Variants in MBOAT1 observed in about 807,000 individuals in gnomAD.
MBOAT1 encodes the protein membrane bound glycerophospholipid O-acyltransferase 1.
MBOAT1 carries 67 observed loss-of-function variants against 64.4 expected under a neutral mutation model. That is an observed-to-expected ratio of 1.04 (90% CI 0.85 to 1.27). MBOAT1 has a LOEUF of 1.27. Ranked by LOEUF, MBOAT1 falls within the 50% of genes most tolerant of loss-of-function variation. The probability of loss-of-function intolerance (pLI) is 0.00; values close to 1 mark genes in which losing one functional copy is unlikely to be tolerated. For synonymous variants in MBOAT1, 229 were observed against 218.9 expected (o/e 1.05, Z -0.41); for missense variants, 563 against 604.6 (o/e 0.93, Z 0.72).
At chr6:20,132,895 C>T (rs746280241) in intron 4 of MBOAT1, among the ~76,000 whole-genome samples, 3 of 152,112 alleles carry the variant, frequency 2.0e-5, no homozygotes, top group Non-Finnish European at 2.9e-5. Context: ...AGGCCACATC[C>T]GATGTTGTCA....
chr6:20,157,614 T>C (rs1761733231), intron 1 of MBOAT1, among the ~76,000 whole-genome samples: 1 of 152,122 alleles, frequency 6.6e-6, no homozygotes, highest in Non-Finnish European at 1.5e-5. Flanking sequence ...ATAATGCTTA[T>C]GACTGGTATC....
intron 11 of MBOAT1, among the ~76,000 whole-genome samples, chr6:20,112,369 CT>C (rs1760195304): frequency 2.0e-5 from 3 of 152,158 alleles, no homozygotes; most frequent in African/African-American, 7.2e-5. Context: ...ACTAAGCTAA[CT>C]GCGTTGGGCG....
At chr6:20,211,280 T>C (rs548005786) in intron 1 of MBOAT1, among the ~76,000 whole-genome samples, 9 of 152,224 alleles carry the variant, frequency 5.9e-5, no homozygotes, top group Admixed American at 5.2e-4. Context: ...CAAAAAAGCA[T>C]GAAACAAAAC....
intron 9 of MBOAT1, among the ~76,000 whole-genome samples, chr6:20,117,967 TA>T (rs1760377169): frequency 6.6e-6 from 1 of 152,198 alleles, no homozygotes; most frequent in Non-Finnish European, 1.5e-5. Context: ...TCTAGTGGCC[TA>T]AAAGTTGTAC....
At position 20,102,256 on chromosome 6, in the gene MBOAT1, G is replaced by C; in HGVS notation, c.*30C>G. The C allele has an allele frequency of 6.2e-7, 1 of 1,605,446 alleles. No homozygotes were observed. ...CATCTCATCTTTCGAACGTTCTGCA[G>C]TTTTGCTTGTTCCGCTTCTCTTGGA... is the stretch of plus-strand genomic sequence containing the variant. On this transcript the variant is annotated 3_prime_UTR_variant, in exon 13 of 13. Coordinates refer to ENST00000324607, the MANE Select transcript of MBOAT1 (RefSeq NM_001080480.3).
In MBOAT1 at chr6:20,184,880, A is replaced by AGTGTGTGTGTGTGTGTGT. The variant is rs58865791; in HGVS notation, c.99+27238_99+27255dup. Among the ~76,000 whole-genome samples the AGTGTGTGTGTGTGTGTGT allele has an allele frequency of 3.3e-3, 469 of 142,960 alleles. 5 individuals carry two copies. The highest frequency in any genetic ancestry group is 4.9e-3 in the Non-Finnish European group (322 of 65,738). 93.8% of individuals were successfully genotyped at this position (142,960 alleles called of 152,430 possible). Reference sequence around the variant, plus strand: ...TATATGTACCTAACATTATAACTGCAGTGTGTGTGTGTGTGTGTGTGTGTG... The same window carrying AGTGTGTGTGTGTGTGTGT: ...TATATGTACCTAACATTATAACTGCAGTGTGTGTGTGTGTGTGTGTGTGTGTGTGTGTGTGTGTGTGTG... On this transcript the variant is annotated intron_variant, in intron 1 of 12. Coordinates refer to ENST00000324607, the MANE Select transcript of MBOAT1 (RefSeq NM_001080480.3).
intron 1 of MBOAT1, among the ~76,000 whole-genome samples, chr6:20,164,024 G>A (rs929609918): frequency 2.0e-5 from 3 of 151,998 alleles, no homozygotes; most frequent in Admixed American, 6.6e-5. Flanking sequence ...GTATGTGCAT[G>A]TGTCTGAATA....
intron 1 of MBOAT1, among the ~76,000 whole-genome samples, chr6:20,162,006 G>A (rs1475266060): frequency 1.3e-5 from 2 of 152,132 alleles, no homozygotes; most frequent in Non-Finnish European, 2.9e-5. Context: ...CCAGATGGCC[G>A]TCTTCTCCCT....
intron 1 of MBOAT1, among the ~76,000 whole-genome samples, chr6:20,206,120 C>T (rs370912808): frequency 5.3e-5 from 8 of 152,318 alleles, no homozygotes; most frequent in African/African-American, 1.9e-4. Flanking sequence ...AAGCCAAGGT[C>T]AGAAGCAGCA....
chr6:20,107,176 G>A (rs937059856), intron 12 of MBOAT1, among the ~76,000 whole-genome samples: 4 of 152,082 alleles, frequency 2.6e-5, no homozygotes, highest in African/African-American at 9.7e-5. Context: ...CCTCTCTTGA[G>A]TCTCCACTTC....
intron 4 of MBOAT1, among the ~76,000 whole-genome samples, chr6:20,134,117 A>T (rs1448225281): frequency 6.6e-6 from 1 of 152,038 alleles, no homozygotes; most frequent in East Asian, 1.9e-4. Flanking sequence ...TCTCAGGCAA[A>T]CCTGCATTTC....
intron 1 of MBOAT1, among the ~76,000 whole-genome samples, chr6:20,169,197 G>T (rs975628969): frequency 6.6e-6 from 1 of 152,140 alleles, no homozygotes; most frequent in Admixed American, 6.5e-5. Flanking sequence ...TGGGGACAAT[G>T]GAAAATGCAG....
At chr6:20,185,432 T>A (rs897820555) in intron 1 of MBOAT1, among the ~76,000 whole-genome samples, 1 of 152,166 alleles carries the variant, frequency 6.6e-6, no homozygotes. Context: ...ATGCATAATA[T>A]TGGGGGGCCT....
At chr6:20,170,824 C>T (rs541805991) in intron 1 of MBOAT1, among the ~76,000 whole-genome samples, 20 of 152,268 alleles carry the variant, frequency 1.3e-4, no homozygotes, top group African/African-American at 4.3e-4. Context: ...TTCAAGAAGG[C>T]GGAAACCATG....
rs1762618656 is a variant in MBOAT1, at chr6:20,185,248, C to G, written c.99+26888G>C. 2.0e-5 allele frequency among the ~76,000 whole-genome samples: 3 copies of G among 152,008 alleles called. 1 individual carries two copies. Among genetic ancestry groups the G allele is most frequent in the South Asian group, 4.2e-4 (2 of 4,816 alleles). ...CTGGGTGACAGTGACAGAGCAAGACCCTGACAATCAATCAATCAATCAATA... is the reference window on the plus strand; with the variant it reads ...CTGGGTGACAGTGACAGAGCAAGACGCTGACAATCAATCAATCAATCAATA... On this transcript the variant is annotated intron_variant, in intron 1 of 12. Coordinates refer to ENST00000324607, the MANE Select transcript of MBOAT1 (RefSeq NM_001080480.3).
intron 1 of MBOAT1, among the ~76,000 whole-genome samples, chr6:20,176,591 A>T (rs540800262): frequency 6.6e-6 from 1 of 152,304 alleles, no homozygotes; most frequent in African/African-American, 2.4e-5. Flanking sequence ...AGTGTCTGTT[A>T]TGATAATGAT....
intron 9 of MBOAT1, among the ~76,000 whole-genome samples, chr6:20,117,974 T>A (rs1019041807): frequency 1.3e-5 from 2 of 152,180 alleles, no homozygotes; most frequent in Non-Finnish European, 2.9e-5. Context: ...GCCTAAAAGT[T>A]GTACATTATG....
intron 3 of MBOAT1, among the ~76,000 whole-genome samples, chr6:20,147,964 C>T (rs1343023421): frequency 1.3e-5 from 2 of 152,196 alleles, no homozygotes; most frequent in African/African-American, 4.8e-5. Context: ...AGTTCTCACG[C>T]TAGGCCCTCT....
At chr6:20,125,259 T>C (rs990903956) in intron 7 of MBOAT1, among the ~76,000 whole-genome samples, 2 of 151,986 alleles carry the variant, frequency 1.3e-5, no homozygotes, top group African/African-American at 2.4e-5. Context: ...TCCGACTTCA[T>C]AAAAAAAAGA....
Sources: gnomAD v4.1 joint callset for allele counts (sites outside exome capture counted in the v4.1 genomes callset) on GRCh38, gnomAD v4.1.1 for gene constraint, MANE v1.5 for transcripts, NCBI Gene and HGNC (gene_info 2026-07-23, HGNC 2026-07-21) for gene names.